The following PCDH15 variants were observed in gnomAD, a reference collection of about 807,000 sequenced individuals.
The protein encoded by PCDH15 is protocadherin-15.
PCDH15 carries 129 observed loss-of-function variants against 178.5 expected under a neutral mutation model. The observed-to-expected ratio is 0.72, with a 90% CI of 0.63 to 0.84. PCDH15 has a LOEUF of 0.84. PCDH15 is among the 40% of genes least tolerant of loss of function. The pLI is 0.00. For missense variants in PCDH15, 2,230 were observed against 2,099.9 expected (o/e 1.06, Z -1.21); for synonymous variants, 800 against 732.0 (o/e 1.09, Z -1.50).
chr10:54,968,906 T>G (rs2131891679), intron 2 of PCDH15, among the ~76,000 whole-genome samples: 1 of 152,282 alleles, frequency 6.6e-6, no homozygotes, highest in Non-Finnish European at 1.5e-5. Context: ...TTTGTTAATC[T>G]GTTAATCCTA....
At chr10:54,596,952 T>A (rs1208880425) in intron 2 of PCDH15, among the ~76,000 whole-genome samples, 3 of 152,000 alleles carry the variant, frequency 2.0e-5, no homozygotes, top group African/African-American at 7.2e-5. Flanking sequence ...TAAACCAAGT[T>A]CTTAGGGACC....
At chr10:54,632,661 G>A (rs1360318751) in intron 2 of PCDH15, among the ~76,000 whole-genome samples, 1 of 152,038 alleles carries the variant, frequency 6.6e-6, no homozygotes, top group African/African-American at 2.4e-5. Context: ...TGTGTTTCAA[G>A]AATAAGGGGA....
chr10:54,538,183 T>C (rs1402733627), intron 2 of PCDH15, among the ~76,000 whole-genome samples: 6 of 152,170 alleles, frequency 3.9e-5, no homozygotes, highest in African/African-American at 1.2e-4. Flanking sequence ...CATAAATTCT[T>C]TGTAAATGCA....
At chr10:54,667,320 T>C (rs1429688459) in intron 1 of PCDH15, among the ~76,000 whole-genome samples, 1 of 151,882 alleles carries the variant, frequency 6.6e-6, no homozygotes. Flanking sequence ...AGAACACATA[T>C]TGACTTAGTG....
chr10:55,523,355 T>G (rs1841228336), intron 2 of PCDH15, among the ~76,000 whole-genome samples: 1 of 151,586 alleles, frequency 6.6e-6, no homozygotes, highest in African/African-American at 2.4e-5. Flanking sequence ...GTCTTTAAAT[T>G]AAAAAATTAA....
chr10:54,724,967 T>C (rs1239777256), intron 1 of PCDH15, among the ~76,000 whole-genome samples: 2 of 151,220 alleles, frequency 1.3e-5, no homozygotes, highest in Non-Finnish European at 3.0e-5. Context: ...TATGCACACA[T>C]ACATACATAT....
intron 3 of PCDH15, among the ~76,000 whole-genome samples, chr10:54,825,014 C>T (rs1396793673): frequency 6.6e-6 from 1 of 151,972 alleles, no homozygotes; most frequent in Non-Finnish European, 1.5e-5. Flanking sequence ...CCAATGCTAT[C>T]CCTCCCCCCT....
At chr10:54,858,475 T>A (rs1409701710) in intron 3 of PCDH15, among the ~76,000 whole-genome samples, 1 of 152,144 alleles carries the variant, frequency 6.6e-6, no homozygotes, top group Non-Finnish European at 1.5e-5. Context: ...TAGGCCCTGA[T>A]AATGGTGATG....
intron 1 of PCDH15, among the ~76,000 whole-genome samples, chr10:54,673,586 G>C (rs542956826): frequency 6.6e-6 from 1 of 152,040 alleles, no homozygotes; most frequent in South Asian, 2.1e-4. Flanking sequence ...TTATAGGCAT[G>C]TGCCACCACG....
At chr10:55,607,898 T>C (rs527429607) in intron 2 of PCDH15, among the ~76,000 whole-genome samples, 3 of 149,856 alleles carry the variant, frequency 2.0e-5, no homozygotes, top group Admixed American at 6.7e-5. Context: ...TAAAGTATAA[T>C]AATAAAAAAA....
chr10:54,945,600 C>G (rs2131868511), intron 2 of PCDH15, among the ~76,000 whole-genome samples: 1 of 151,356 alleles, frequency 6.6e-6, no homozygotes, highest in Non-Finnish European at 1.5e-5. Flanking sequence ...TAAATTGGAA[C>G]CATGGTATTA....
chr10:54,279,919 G>C (rs2058577756), intron 8 of PCDH15, among the ~76,000 whole-genome samples: 1 of 151,666 alleles, frequency 6.6e-6, no homozygotes, highest in African/African-American at 2.4e-5. Flanking sequence ...GGTGCTTTGA[G>C]ACTTTCCTAG....
At chr10:53,871,765 GTTTTT>G (rs1275625238) in intron 26 of PCDH15, among the ~76,000 whole-genome samples, 1 of 145,520 alleles carries the variant, frequency 6.9e-6, no homozygotes, top group Non-Finnish European at 1.5e-5. Flanking sequence ...GTTTTGTTTT[GTTTTT>G]GAGATGGAGT....
intron 23 of PCDH15, among the ~76,000 whole-genome samples, chr10:53,956,089 GATTA>G (rs1335130804): frequency 2.0e-5 from 3 of 151,958 alleles, no homozygotes; most frequent in Non-Finnish European, 4.4e-5. Flanking sequence ...TTTTAAATAT[GATTA>G]ATTAATTATG....
At chr10:53,959,579 TA>T (rs1459042942) in intron 23 of PCDH15, among the ~76,000 whole-genome samples, 152 bp downstream of exon 23, 2 of 152,180 alleles carry the variant, frequency 1.3e-5, no homozygotes, top group Non-Finnish European at 2.9e-5. Flanking sequence ...ATTAACCATT[TA>T]AAAATTTAAA....
intron 3 of PCDH15, among the ~76,000 whole-genome samples, chr10:54,835,547 A>C (rs1953301318): frequency 6.6e-6 from 1 of 152,066 alleles, no homozygotes; most frequent in Admixed American, 6.6e-5. Context: ...ACTAAGACAA[A>C]CACCACCAAC....
intron 3 of PCDH15, among the ~76,000 whole-genome samples, chr10:54,889,498 A>AATATAT: frequency 4.1e-5 from 1 of 24,192 alleles, no homozygotes; most frequent in South Asian, 9.9e-4. Context: ...GCTAATTGTG[A>AATATAT]AGATATATAT....
At chr10:54,669,444 T>C (rs1162130588) in intron 1 of PCDH15, among the ~76,000 whole-genome samples, 3 of 151,218 alleles carry the variant, frequency 2.0e-5, no homozygotes, top group Admixed American at 1.3e-4. Flanking sequence ...AAAATTATGT[T>C]ACATAGTCAC....
chr10:54,377,687 A>G (rs1948648787), intron 4 of PCDH15, among the ~76,000 whole-genome samples: 1 of 152,090 alleles, frequency 6.6e-6, no homozygotes, highest in Admixed American at 6.6e-5. Flanking sequence ...TGAGTATCTG[A>G]CATTTGGATT....
Sources: allele counts gnomAD v4.1 joint callset (sites outside exome capture counted in the v4.1 genomes callset), GRCh38; gene constraint gnomAD v4.1.1; transcripts MANE v1.5; gene names NCBI Gene and HGNC (gene_info 2026-07-23, HGNC 2026-07-21).